The following KCNQ1 variants were observed in gnomAD, a reference collection of about 807,000 sequenced individuals.
KCNQ1 encodes the protein potassium voltage-gated channel subfamily Q member 1, also known as potassium voltage-gated channel subfamily KQT member 1.
Under a neutral mutation model 72.4 loss-of-function variants are expected in KCNQ1, and 49 were observed. The ratio of observed to expected loss-of-function variants is 0.68; its 90% CI spans 0.54 to 0.86. The LOEUF is 0.86. KCNQ1 is among the 40% of genes least tolerant of loss of function. The pLI, the probability that KCNQ1 is intolerant of heterozygous loss-of-function variation, is 0.00. For missense variants in KCNQ1, 790 were observed against 945.1 expected (o/e 0.84, Z 2.15); for synonymous variants, 450 against 412.6 (o/e 1.09, Z -1.10).
At chr11:2,638,915 T>A (rs1849524266) in intron 10 of KCNQ1, 1 of 152,186 alleles carries the variant, frequency 6.6e-6, no homozygotes, top group South Asian at 2.1e-4. Flanking sequence ...GTTCGTTTGT[T>A]TTTACTCTTT....
chr11:2,637,434 G>T (rs1274956473), intron 10 of KCNQ1: 4 of 152,058 alleles, frequency 2.6e-5, no homozygotes, highest in African/African-American at 9.7e-5. Context: ...CCTTCATTTC[G>T]TTATGTACCC....
At chr11:2,628,354 G>A (rs572463367) in intron 10 of KCNQ1, 2 of 398,432 alleles carry the variant, frequency 5.0e-6, no homozygotes, top group Admixed American at 4.4e-5. Context: ...TGATATCTCA[G>A]TGTGGTTTTC....
In KCNQ1 at chr11:2,766,574, A is replaced by G. The variant is rs67004488; in HGVS notation, c.1515-2270A>G. ...CTAGCCTGCAATGGGAGGAACCACA[A>G]TGGATTGTGCCCATCTTTAATTAAT... On this transcript the variant is annotated intron_variant, in intron 11 of 15. Coordinates refer to ENST00000155840, the MANE Select transcript of KCNQ1 (RefSeq NM_000218.3). This position sits in a 1 kb window ranked among gnomAD's most constrained non-coding sequence, Gnocchi z 4.4. Among the ~76,000 whole-genome samples, 14,390 of 152,162 alleles carry G rather than the reference A, an allele frequency of 0.095. 1,115 individuals are homozygous for G. Among genetic ancestry groups the G allele is most frequent in the East Asian group, 0.23 (1,193 of 5,170 alleles).
rs1255137510 is a variant in KCNQ1, at chr11:2,567,204, G to A, written c.478-3424G>A. 6.6e-6 allele frequency among the ~76,000 whole-genome samples: 1 copy of A among 152,168 alleles called. No homozygotes were observed. Among genetic ancestry groups the A allele is most frequent in the African/African-American group, 2.4e-5 (1 of 41,422 alleles). On this transcript the variant is annotated intron_variant, in intron 2 of 15. Transcript: ENST00000155840. This position sits in a 1 kb window ranked among gnomAD's most constrained non-coding sequence, Gnocchi z 6.6. ...GGTGGGCAAGGGAGAAGTACCAAAT[G>A]TGTGCAGGTTCTGGGGAGGAGCTTG...
chr11:2,586,334 G>C (rs983902416), intron 8 of KCNQ1, among the ~76,000 whole-genome samples: 10 of 152,360 alleles, frequency 6.6e-5, no homozygotes, highest in Admixed American at 1.3e-4. Context: ...CAGCCATCGG[G>C]GGGGCTGTGT....
rs1849168599 is a variant in KCNQ1, at chr11:2,621,310, T to A, written c.1393+32456T>A. The A allele has an allele frequency of 1.0e-5, 4 of 398,556 alleles. No homozygotes were observed. In the South Asian group the frequency reaches 5.1e-4, roughly 51 times the overall value. 24.7% of individuals were successfully genotyped at this position (398,556 alleles called of 1,614,324 possible). A position where few individuals can be genotyped will look rare whatever the true frequency, so the allele number is the denominator to read the frequency against. ...TTGCATTTCTGATTATTAGTGATCA[T>A]GAGAATGTTTTTTTGTTTGGCTACT... On this transcript the variant is annotated intron_variant, in intron 10 of 15. Coordinates refer to ENST00000155840, the MANE Select transcript of KCNQ1 (RefSeq NM_000218.3). The surrounding 1 kb of genome is among the most constrained non-coding windows in gnomAD (Gnocchi z 5.7).
rs1333070259 is a variant in KCNQ1, at chr11:2,674,008, G to C, written c.1514+11927G>C. The C allele has an allele frequency of 2.5e-6, 1 of 398,454 alleles. No homozygotes were observed. The highest frequency in any genetic ancestry group is 3.6e-5 in the East Asian group (1 of 28,028). 24.7% of individuals were successfully genotyped at this position (398,454 alleles called of 1,614,324 possible). On this transcript the variant is annotated intron_variant, in intron 11 of 15. Coordinates refer to ENST00000155840, the MANE Select transcript of KCNQ1 (RefSeq NM_000218.3). The surrounding 1 kb of genome is among the most constrained non-coding windows in gnomAD (Gnocchi z 5.9). ...GTGGGGTGGGGGGAGGGCCCTCCGT[G>C]CTTTCTGGCTCTTTGGGCCTGGGGT...
At chr11:2,693,279 C>G (rs1475500875) in intron 11 of KCNQ1, 1 of 398,644 alleles carries the variant, frequency 2.5e-6, no homozygotes, top group African/African-American at 2.1e-5. Flanking sequence ...CTCAGATGCA[C>G]ACCCTCCACA....
At position 2,617,230 on chromosome 11, in the gene KCNQ1, TC is replaced by T; in HGVS notation, c.1393+28381del. Reference sequence around the variant, plus strand: ...TTTGACCTACATCTTTCCATTTTCTTCCCCCACACCTTGCCCATGGTAACCA... The same window carrying T: ...TTTGACCTACATCTTTCCATTTTCTTCCCCACACCTTGCCCATGGTAACCA... On this transcript the variant is annotated intron_variant, in intron 10 of 15. Transcript: ENST00000155840. The surrounding 1 kb of genome is among the most constrained non-coding windows in gnomAD (Gnocchi z 4.6). The T allele has an allele frequency of 5.0e-6, 2 of 398,406 alleles. No homozygotes were observed. Among genetic ancestry groups the T allele is most frequent in the South Asian group, 1.3e-4 (1 of 7,852 alleles). 24.7% of individuals were successfully genotyped at this position (398,406 alleles called of 1,614,324 possible). A position where few individuals can be genotyped will look rare whatever the true frequency, so the allele number is the denominator to read the frequency against.
chr11:2,499,532 A>T (rs11023071), intron 1 of KCNQ1, among the ~76,000 whole-genome samples: 1 of 140,882 alleles, frequency 7.1e-6, no homozygotes, highest in Non-Finnish European at 1.6e-5. Context: ...CCCTGCCCCC[A>T]CAAAAAAAGA....
rs148801695 is a variant in KCNQ1, at chr11:2,679,248, C to T, written c.1514+17167C>T. ...TCCAGAGGACTACAGCTGCCTGTCC[C>T]ACCCTTGGCTGTGCTCTCCTTTACT... On this transcript the variant is annotated intron_variant, in intron 11 of 15. Coordinates refer to ENST00000155840, the MANE Select transcript of KCNQ1 (RefSeq NM_000218.3). The surrounding 1 kb of genome is among the most constrained non-coding windows in gnomAD (Gnocchi z 4.8). 4.9e-4 allele frequency: 194 copies of T among 398,652 alleles called. No homozygotes were observed. The highest frequency in any genetic ancestry group is 3.5e-3 in the African/African-American group (171 of 48,764). 24.7% of individuals were successfully genotyped at this position (398,652 alleles called of 1,614,324 possible). A position where few individuals can be genotyped will look rare whatever the true frequency, so the allele number is the denominator to read the frequency against.
Position 2,473,757 on chromosome 11 carries a change from C to G in KCNQ1, c.386+28273C>G, listed in dbSNP as rs983151930. Reference sequence around the variant, plus strand: ...GCAGCCTGCAGGTTGAAGCCCCCGACAGCTGGGGGAGGCATTGCTCTGCAC... The same window carrying G: ...GCAGCCTGCAGGTTGAAGCCCCCGAGAGCTGGGGGAGGCATTGCTCTGCAC... On this transcript the variant is annotated intron_variant, in intron 1 of 15. Transcript: ENST00000155840. The surrounding 1 kb of genome is among the most constrained non-coding windows in gnomAD (Gnocchi z 6.0). Among the ~76,000 whole-genome samples, 18 of 152,224 alleles carry G rather than the reference C, an allele frequency of 1.2e-4. No homozygotes were observed. The highest frequency in any genetic ancestry group is 3.6e-4 in the African/African-American group (15 of 41,466).
At chr11:2,615,230 T>G (rs1333970881) in intron 10 of KCNQ1, 2 of 398,030 alleles carry the variant, frequency 5.0e-6, no homozygotes, top group African/African-American at 4.1e-5. Flanking sequence ...ACAAATGATT[T>G]TCTTAAAATA....
chr11:2,606,892 A>ATTTTT lies in KCNQ1; in HGVS notation c.1393+18062_1393+18066dup, dbSNP rs869121696. 9.7e-5 allele frequency among the ~76,000 whole-genome samples: 8 copies of ATTTTT among 82,766 alleles called. 1 individual carries two copies. Among genetic ancestry groups the ATTTTT allele is most frequent in the African/African-American group, 2.1e-4 (4 of 18,948 alleles). The allele number at this position is 82,766 out of a possible 152,430, so 54.3% of individuals were successfully genotyped here. On this transcript the variant is annotated intron_variant, in intron 10 of 15. Coordinates refer to ENST00000155840, the MANE Select transcript of KCNQ1 (RefSeq NM_000218.3). ...ACTGTTAAGTATGATATTATCTGTG[A>ATTTTT]TTTTTTTTTTTTTTTTTTTTTTTTT...
rs1849962414 is a variant in KCNQ1 at position 2,661,889 on chromosome 11, A to G, written c.1394-72A>G. 1.5e-5 allele frequency: 24 copies of G among 1,600,668 alleles called. No homozygotes were observed. The highest frequency in any genetic ancestry group is 2.1e-5 in the Non-Finnish European group (24 of 1,168,732). ...ACTCCTCACCTGGCCCTGGGAGCTC[A>G]CAGGCCTGGCTCCACAGCACTGGCA... On this transcript the variant is annotated intron_variant, in intron 10 of 15. Coordinates refer to ENST00000155840, the MANE Select transcript of KCNQ1 (RefSeq NM_000218.3). The surrounding 1 kb of genome is among the most constrained non-coding windows in gnomAD (Gnocchi z 5.9).
chr11:2,619,675 C>G (rs1399193196), intron 10 of KCNQ1: 1 of 396,354 alleles, frequency 2.5e-6, no homozygotes, highest in African/African-American at 2.1e-5. Flanking sequence ...TGATGCTGGC[C>G]TCATAAAATG....
At chr11:2,846,761 A>G (rs1015360870) in intron 15 of KCNQ1, among the ~76,000 whole-genome samples, 1 of 152,232 alleles carries the variant, frequency 6.6e-6, no homozygotes, top group South Asian at 2.1e-4. Context: ...CTGTCCTTCC[A>G]AGGAGCTCTC....
intron 2 of KCNQ1, among the ~76,000 whole-genome samples, chr11:2,556,661 T>C (rs1455017217): frequency 6.6e-6 from 1 of 152,198 alleles, no homozygotes; most frequent in Non-Finnish European, 1.5e-5. Flanking sequence ...GGAGGTTGCT[T>C]TCTATACCCA....
intron 6 of KCNQ1, among the ~76,000 whole-genome samples, chr11:2,582,732 A>C (rs900312802): frequency 1.3e-5 from 2 of 152,050 alleles, no homozygotes; most frequent in Non-Finnish European, 2.9e-5. Context: ...CTCCTGAAGA[A>C]CCCAGCAGGC....
Sources: gnomAD v4.1 joint callset for allele counts (sites outside exome capture counted in the v4.1 genomes callset) on GRCh38, gnomAD v4.1.1 for gene constraint, Gnocchi (gnomAD v3.1) non-coding constraint, MANE v1.5 for transcripts, NCBI Gene and HGNC (gene_info 2026-07-23, HGNC 2026-07-21) for gene names.